The following TJAP1 variants were observed in gnomAD, a reference collection of about 807,000 sequenced individuals.
TJAP1 encodes the protein tight junction associated protein 1, also known as tight junction-associated protein 1.
TJAP1 carries 27 observed loss-of-function variants against 42.0 expected under a neutral mutation model. The observed-to-expected ratio is 0.64, with a 90% CI of 0.47 to 0.89. TJAP1 has a LOEUF of 0.89. Among genes scored for constraint, TJAP1 ranks in the 40% least tolerant of loss-of-function variants. The pLI, the probability that TJAP1 is intolerant of heterozygous loss-of-function variation, is 0.00. For missense variants in TJAP1, 712 were observed against 726.9 expected, an observed-to-expected ratio of 0.98 and a Z score of 0.24; for synonymous variants, 257 against 288.4, an observed-to-expected ratio of 0.89 and a Z score of 1.10.
chr6:43,477,726 C>T (rs1229934698), intron 1 of TJAP1, 98 bp downstream of exon 1: 1 of 151,888 alleles, frequency 6.6e-6, no homozygotes, highest in Admixed American at 6.6e-5. Flanking sequence ...GTACTGGCTC[C>T]AGGGTTGAAA....
At chr6:43,477,608 C>G (rs1303292105) in exon 1 of TJAP1, 3 of 152,388 alleles carry the variant, frequency 2.0e-5, no homozygotes, top group African/African-American at 4.8e-5. Context: ...GCGGCCTGAA[C>G]GCAGCTGGCA....
chr6:43,502,302 G>C, exon 7 of TJAP1: 1 of 1,613,846 alleles, frequency 6.2e-7, no homozygotes, highest in Non-Finnish European at 8.5e-7. Context: ...CAGCTACACG[G>C]CTTCCCAGCG....
intron 6 of TJAP1, among the ~76,000 whole-genome samples, chr6:43,502,076 A>T (rs3997625): frequency 0.1 from 6,818 of 68,396 alleles, 480 homozygotes; most frequent in African/African-American, 0.16. Flanking sequence ...ACACACACAC[A>T]CTCTCTCTCT....
At chr6:43,494,595 C>A (rs1236966608) in intron 2 of TJAP1, among the ~76,000 whole-genome samples, 1 of 88,702 alleles carries the variant, frequency 1.1e-5, no homozygotes, top group Admixed American at 1.8e-4. Context: ...TTCCTCAAGG[C>A]TTAGGTTTAG....
At position 43,505,366 on chromosome 6, in the gene TJAP1, A is replaced by C. The variant is rs1252651006; in HGVS notation, c.1185A>C (p.Leu395=). The C allele has an allele frequency of 1.2e-6, 2 of 1,609,292 alleles. No homozygotes were observed. The highest frequency in any genetic ancestry group is 1.7e-6 in the Non-Finnish European group (2 of 1,179,508). The change falls in exon 11 of 11, where the codon CTA becomes CTC. Residue 395 remains leucine (L), a synonymous_variant. Transcript: ENST00000372449. This position sits in a 1 kb window ranked among gnomAD's most constrained non-coding sequence, Gnocchi z 5.5. ...ACCACCAGCCCAGCCCAGCACCCCTAACACTCAGTGCCCCAGCTAGCTCTG... is the reference window on the plus strand; with the variant it reads ...ACCACCAGCCCAGCCCAGCACCCCTCACACTCAGTGCCCCAGCTAGCTCTG...
rs899181174 is a variant in TJAP1 at position 43,491,226 on chromosome 6, G to T, written c.-121-6655G>T. 6.6e-6 allele frequency among the ~76,000 whole-genome samples: 1 copy of T among 152,174 alleles called. No homozygotes were observed. The highest frequency in any genetic ancestry group is 2.4e-5 in the African/African-American group (1 of 41,444). ...CTGAGCGGGATGATGATTTCTCGGAGGTTGATAGATTAAGAGACCAAAGTT... is the reference window on the plus strand; with the variant it reads ...CTGAGCGGGATGATGATTTCTCGGATGTTGATAGATTAAGAGACCAAAGTT... On this transcript the variant is annotated intron_variant, in intron 2 of 10. Coordinates refer to ENST00000372449, the Ensembl canonical transcript of TJAP1. This position sits in a 1 kb window ranked among gnomAD's most constrained non-coding sequence, Gnocchi z 4.6.
intron 4 of TJAP1, among the ~76,000 whole-genome samples, chr6:43,499,668 C>T (rs73733559): frequency 8.8e-4 from 134 of 152,364 alleles, no homozygotes; most frequent in African/African-American, 3.0e-3. Context: ...CTCTCCTGCC[C>T]CATTAACTTC....
intron 2 of TJAP1, among the ~76,000 whole-genome samples, chr6:43,496,401 C>G (rs1042293759): frequency 4.6e-5 from 7 of 152,192 alleles, no homozygotes; most frequent in Non-Finnish European, 1.0e-4. Context: ...CCCCACACCC[C>G]GGGAATGTGC....
chr6:43,486,344 T>TTTCCAGTA (rs1177230726), intron 2 of TJAP1, among the ~76,000 whole-genome samples: 1 of 148,632 alleles, frequency 6.7e-6, no homozygotes, highest in African/African-American at 2.5e-5. Flanking sequence ...TACCAGTAGC[T>TTTCCAGTA]TTCCAGTAGC....
chr6:43,491,478 C>T lies in TJAP1; in HGVS notation c.-121-6403C>T, dbSNP rs552426424. ...GCTCATTTTGTATTTTTAGTAGAGA[C>T]GGGGTTTCTCCATGTTAGTCAGGCT... is the stretch of plus-strand genomic sequence containing the variant. On this transcript the variant is annotated intron_variant, in intron 2 of 10. Coordinates refer to ENST00000372449, the Ensembl canonical transcript of TJAP1. The surrounding 1 kb of genome is among the most constrained non-coding windows in gnomAD (Gnocchi z 4.6). 1.8e-4 allele frequency among the ~76,000 whole-genome samples: 27 copies of T among 151,970 alleles called. No individual in the cohort carries two copies. The highest frequency in any genetic ancestry group is 3.2e-4 in the Non-Finnish European group (22 of 68,012).
chr6:43,505,036 A>T lies in TJAP1; in HGVS notation c.855A>T (p.Pro285=). The T allele has an allele frequency of 6.2e-7, 1 of 1,613,944 alleles. No homozygotes were observed. Among genetic ancestry groups the T allele is most frequent in the Non-Finnish European group, 8.5e-7 (1 of 1,179,966 alleles). ...CCCCGGCCCCTGGCAGCCCCACCCC[A>T]CAACCCAATGGGGAGTGCCACTCTC... Residue 285 remains proline (P), a synonymous_variant, in exon 11 of 11, where the codon CCA becomes CCT. Transcript: ENST00000372449. The surrounding 1 kb of genome is among the most constrained non-coding windows in gnomAD (Gnocchi z 5.5).
At position 43,502,076 on chromosome 6, in the gene TJAP1, A is replaced by ACACTCTCT. The variant is rs767085594; in HGVS notation, c.291-206_291-205insACTCTCTC. On this transcript the variant is annotated intron_variant, in intron 6 of 10. Transcript: ENST00000372449. Reference sequence around the variant, plus strand: ...CACACACACACACACACACACACACACTCTCTCTCTCTCTCTCTCTCTCTC... The same window carrying ACACTCTCT: ...CACACACACACACACACACACACACACACTCTCTCTCTCTCTCTCTCTCTCTCTCTCTC... Among the ~76,000 whole-genome samples the ACACTCTCT allele has an allele frequency of 3.1e-3, 213 of 68,952 alleles. 15 individuals carry two copies. Among genetic ancestry groups the ACACTCTCT allele is most frequent in the Non-Finnish European group, 3.7e-3 (135 of 36,504 alleles). 45.2% of individuals were successfully genotyped at this position (68,952 alleles called of 152,430 possible).
At chr6:43,477,869 T>C (rs1430203967) in intron 1 of TJAP1, among the ~76,000 whole-genome samples, 2 of 152,090 alleles carry the variant, frequency 1.3e-5, no homozygotes, top group African/African-American at 4.8e-5. Context: ...GTAGGTGTTG[T>C]GCAGGCCCTG....
chr6:43,487,972 C>T (rs1193838170), intron 2 of TJAP1, among the ~76,000 whole-genome samples: 7 of 151,602 alleles, frequency 4.6e-5, no homozygotes, highest in South Asian at 2.1e-4. Context: ...CAGGTTCAAG[C>T]GATTCTCCTG....
intron 2 of TJAP1, among the ~76,000 whole-genome samples, chr6:43,481,946 C>T (rs1363955290): frequency 1.3e-5 from 2 of 152,284 alleles, no homozygotes; most frequent in African/African-American, 4.8e-5. Context: ...AGGGGAATTG[C>T]GGGCTCAGGA....
chr6:43,502,549 C>A (rs747700147), intron 7 of TJAP1, 39 bp from the exon 8 acceptor site: 2 of 1,551,572 alleles, frequency 1.3e-6, no homozygotes, highest in Non-Finnish European at 1.7e-6. Context: ...CTCGTCTCCC[C>A]CTCATGCTGC....
At chr6:43,501,781 C>G (rs111549887) in intron 6 of TJAP1, 94 bp downstream of exon 6, 185,904 of 652,750 alleles carry the variant, frequency 0.28, 29,503 homozygotes, top group Non-Finnish European at 0.33. Flanking sequence ...CTCTCTCTCT[C>G]TGTGTCTCTG....
chr6:43,503,518 C>T lies in TJAP1; in HGVS notation c.495+10C>T. 1 of 1,613,186 alleles carries T rather than the reference C, an allele frequency of 6.2e-7. No individual in the cohort carries two copies. The highest frequency in any genetic ancestry group is 8.5e-7 in the Non-Finnish European group (1 of 1,179,142). ...GCTGGAAGAGCTCAATGTATGTGCG[C>T]TTCACTACTCGGGCCTTCCTCACCT... On this transcript the variant is annotated intron_variant, in intron 9 of 10. Transcript: ENST00000372449.
intron 10 of TJAP1, 112 bp downstream of exon 10, chr6:43,503,818 C>T (rs1424715608): frequency 5.4e-6 from 5 of 924,556 alleles, no homozygotes; most frequent in South Asian, 2.8e-5. Context: ...ACTTTGCCCT[C>T]CTCTTGCCTC....
Sources: allele counts gnomAD v4.1 joint callset (sites outside exome capture counted in the v4.1 genomes callset), GRCh38; gene constraint gnomAD v4.1.1; non-coding constraint Gnocchi (gnomAD v3.1); transcripts MANE v1.5; gene names NCBI Gene and HGNC (gene_info 2026-07-23, HGNC 2026-07-21).